Variants in EHBP1 observed in about 807,000 individuals in gnomAD.
The protein encoded by EHBP1 is EH domain-binding protein 1.
EHBP1 carries 55 observed loss-of-function variants against 144.0 expected under a neutral mutation model. The ratio of observed to expected loss-of-function variants is 0.38; its 90% CI spans 0.31 to 0.48. The LOEUF is 0.48. Among genes scored for constraint, EHBP1 ranks in the 20% least tolerant of loss-of-function variants. The pLI, the probability that EHBP1 is intolerant of heterozygous loss-of-function variation, is 0.98. For missense variants in EHBP1, 1,200 were observed against 1,364.2 expected (o/e 0.88, Z 1.90); for synonymous variants, 469 against 472.7 (o/e 0.99, Z 0.10).
intron 14 of EHBP1, among the ~76,000 whole-genome samples, chr2:62,975,743 T>A (rs545151116): frequency 1.4e-4 from 21 of 151,218 alleles, no homozygotes; most frequent in East Asian, 5.8e-4. Flanking sequence ...GAAAAAAAAA[T>A]TTTTTTTAAA....
chr2:63,027,919 TTTTGTTTG>T (rs568499486), intron 19 of EHBP1, among the ~76,000 whole-genome samples: 3 of 152,016 alleles, frequency 2.0e-5, no homozygotes, highest in Non-Finnish European at 2.9e-5. Context: ...GAGTATATGT[TTTTGTTTG>T]TTTGTTTGTT....
At chr2:62,737,347 G>A (rs2038237728) in intron 2 of EHBP1, among the ~76,000 whole-genome samples, 1 of 152,166 alleles carries the variant, frequency 6.6e-6, no homozygotes, top group Non-Finnish European at 1.5e-5. Context: ...TCCCAAAAAT[G>A]TGCTTCCCCT....
intron 19 of EHBP1, among the ~76,000 whole-genome samples, chr2:63,031,204 C>T (rs930741357): frequency 2.6e-5 from 4 of 152,124 alleles, no homozygotes; most frequent in Non-Finnish European, 5.9e-5. Flanking sequence ...CATGACATGA[C>T]TGTGAGAAGG....
chr2:62,820,735 A>G lies in EHBP1; in HGVS notation c.313-5352A>G, dbSNP rs866693994. 7.1e-3 allele frequency among the ~76,000 whole-genome samples: 580 copies of G among 81,846 alleles called. 5 individuals are homozygous for G. The highest frequency in any genetic ancestry group is 0.024 in the African/African-American group (488 of 20,752). The allele number at this position is 81,846 out of a possible 152,430, so 53.7% of individuals were successfully genotyped here. On this transcript the variant is annotated intron_variant, in intron 5 of 22. Transcript: ENST00000431489. ...GGTGTGTGTGTGTGTGTGTGTGTGT[A>G]TAATATATATATATATATATATATA... is the stretch of plus-strand genomic sequence containing the variant.
At chr2:62,717,919 A>C (rs1008960526) in intron 2 of EHBP1, among the ~76,000 whole-genome samples, 1 of 152,176 alleles carries the variant, frequency 6.6e-6, no homozygotes, top group Admixed American at 6.5e-5. Flanking sequence ...GTTTGCTGCT[A>C]TTGGAGACTG....
chr2:62,750,965 A>G (rs545042117), intron 3 of EHBP1, among the ~76,000 whole-genome samples: 1 of 152,208 alleles, frequency 6.6e-6, no homozygotes, highest in East Asian at 1.9e-4. Flanking sequence ...TCCTAATCGA[A>G]TACCTTTATT....
chr2:62,677,987 GGGTATATACCTAGCAGT>G (rs1553363001), intron 1 of EHBP1, among the ~76,000 whole-genome samples: 1 of 152,052 alleles, frequency 6.6e-6, no homozygotes, highest in Non-Finnish European at 1.5e-5. Flanking sequence ...CCTTCCTTTG[GGGTATATACCTAGCAGT>G]GGGATTCCTG....
intron 5 of EHBP1, among the ~76,000 whole-genome samples, chr2:62,817,151 G>A (rs986658077): frequency 3.3e-5 from 5 of 152,114 alleles, no homozygotes; most frequent in Non-Finnish European, 5.9e-5. Flanking sequence ...ATGGCTCTAG[G>A]GCTAGGATAC....
chr2:62,769,666 T>C (rs1489954887), intron 4 of EHBP1, among the ~76,000 whole-genome samples: 3 of 151,860 alleles, frequency 2.0e-5, no homozygotes, highest in Non-Finnish European at 4.4e-5. Flanking sequence ...TTTTTAAAAA[T>C]TCATATGAAA....
At chr2:62,886,860 A>G (rs1420729754) in intron 10 of EHBP1, among the ~76,000 whole-genome samples, 1 of 152,190 alleles carries the variant, frequency 6.6e-6, no homozygotes, top group African/African-American at 2.4e-5. Flanking sequence ...TTTAAAATAT[A>G]TATATGTTGA....
chr2:63,031,656 C>T (rs2061252921), intron 19 of EHBP1, among the ~76,000 whole-genome samples: 1 of 152,170 alleles, frequency 6.6e-6, no homozygotes, highest in African/African-American at 2.4e-5. Flanking sequence ...TGGCTGGGCA[C>T]AGTGTCTCAC....
chr2:63,015,975 A>G (rs902119638), intron 19 of EHBP1, among the ~76,000 whole-genome samples: 4 of 152,190 alleles, frequency 2.6e-5, no homozygotes, highest in African/African-American at 7.2e-5. Flanking sequence ...ACAGAAACAA[A>G]ATAAATGAGG....
chr2:62,737,455 C>G (rs992803543), intron 2 of EHBP1, among the ~76,000 whole-genome samples: 2 of 152,204 alleles, frequency 1.3e-5, no homozygotes, highest in African/African-American at 2.4e-5. Context: ...TTTCCCTACC[C>G]AAGTACTGGT....
At chr2:62,962,443 T>G (rs570131971) in intron 14 of EHBP1, among the ~76,000 whole-genome samples, 1 of 152,368 alleles carries the variant, frequency 6.6e-6, no homozygotes, top group South Asian at 2.1e-4. Flanking sequence ...CCATTACATT[T>G]AATGATACTT....
intron 8 of EHBP1, among the ~76,000 whole-genome samples, chr2:62,863,945 C>T (rs1411138295): frequency 4.5e-5 from 6 of 133,934 alleles, no homozygotes; most frequent in African/African-American, 1.6e-4. Flanking sequence ...CTCCTGGATT[C>T]AGGCGATTCT....
chr2:62,852,207 A>G (rs1446933076), intron 7 of EHBP1, among the ~76,000 whole-genome samples: 1 of 152,156 alleles, frequency 6.6e-6, no homozygotes, highest in Non-Finnish European at 1.5e-5. Context: ...AAAACGTCTT[A>G]GCTATATAAA....
Position 62,693,036 on chromosome 2 carries a change from C to G in EHBP1, c.-295-13861C>G, listed in dbSNP as rs1328453120. 2.6e-5 allele frequency among the ~76,000 whole-genome samples: 4 copies of G among 152,226 alleles called. No individual in the cohort carries two copies. In the East Asian group the frequency reaches 7.7e-4, roughly 29 times the overall value. ...TTTCCCCTACTACCCTTCCCAGCCT[C>G]TGGTAACCATCCTCTATCTCCATGA... On this transcript the variant is annotated intron_variant, in intron 1 of 22. Transcript: ENST00000405015.
intron 3 of EHBP1, among the ~76,000 whole-genome samples, chr2:62,750,226 A>G (rs988157873): frequency 2.6e-5 from 4 of 152,008 alleles, no homozygotes; most frequent in Non-Finnish European, 5.9e-5. Context: ...CCCAGCACCA[A>G]TTATTAAATA....
intron 7 of EHBP1, among the ~76,000 whole-genome samples, chr2:62,853,981 TG>T (rs1219719863): frequency 6.6e-6 from 1 of 152,246 alleles, no homozygotes; most frequent in Non-Finnish European, 1.5e-5. Context: ...CAGGCTTTGT[TG>T]TTGCCTTTAT....
Sources: allele counts gnomAD v4.1 joint callset (sites outside exome capture counted in the v4.1 genomes callset), GRCh38; gene constraint gnomAD v4.1.1; transcripts MANE v1.5; gene names NCBI Gene and HGNC (gene_info 2026-07-23, HGNC 2026-07-21).